ZDHHC2: variants seen among roughly 807,000 people sequenced by gnomAD.
ZDHHC2 encodes the protein zDHHC palmitoyltransferase 2, also known as palmitoyltransferase ZDHHC2.
In ZDHHC2, 51 loss-of-function variants were observed where a neutral mutation model predicts 55.6. The observed-to-expected ratio is 0.92, with a 90% confidence interval of 0.73 to 1.16. The LOEUF (loss-of-function observed/expected upper bound fraction) is 1.16, where lower values mean the gene tolerates loss of function less well. Ranked by LOEUF, ZDHHC2 falls within the 50% of genes most tolerant of loss-of-function variation. The pLI, the probability that ZDHHC2 is intolerant of heterozygous loss-of-function variation, is 0.00. For synonymous variants in ZDHHC2, 199 were observed against 152.9 expected, an observed-to-expected ratio of 1.30 and a Z score of -2.22; for missense variants, 491 against 442.4, an observed-to-expected ratio of 1.11 and a Z score of -0.99.
At chr8:17,165,149 A>T (rs1804541075) in intron 1 of ZDHHC2, among the ~76,000 whole-genome samples, 1 of 152,246 alleles carries the variant, frequency 6.6e-6, no homozygotes, top group Admixed American at 6.5e-5. Flanking sequence ...CCTGAGGCCA[A>T]CTGCGAGCAT....
intron 10 of ZDHHC2, among the ~76,000 whole-genome samples, chr8:17,214,699 A>G (rs1187575007): frequency 6.6e-6 from 1 of 152,126 alleles, no homozygotes; most frequent in Admixed American, 6.6e-5. Context: ...ACTTGAGACC[A>G]GGCATTTGTG....
intron 5 of ZDHHC2, 128 bp downstream of exon 5, chr8:17,197,779 T>A: frequency 9.5e-7 from 1 of 1,055,494 alleles, no homozygotes; most frequent in South Asian, 1.6e-5. Context: ...ATTTAGGAAA[T>A]GGAGTTGGTA....
At chr8:17,190,089 A>T (rs930398698) in intron 3 of ZDHHC2, among the ~76,000 whole-genome samples, 2 of 152,102 alleles carry the variant, frequency 1.3e-5, no homozygotes, top group African/African-American at 4.8e-5. Context: ...TTTTTTACGT[A>T]TTATTCATTT....
intron 3 of ZDHHC2, among the ~76,000 whole-genome samples, chr8:17,189,794 A>G (rs1805924402): frequency 6.6e-6 from 1 of 152,230 alleles, no homozygotes; most frequent in Non-Finnish European, 1.5e-5. Context: ...TAACGGTATC[A>G]GGCTTCATTG....
chr8:17,183,690 G>T (rs1468918731), intron 1 of ZDHHC2, among the ~76,000 whole-genome samples: 1 of 152,098 alleles, frequency 6.6e-6, no homozygotes, highest in Non-Finnish European at 1.5e-5. Context: ...TAGATCTTCT[G>T]TTTGTTGCTA....
At chr8:17,207,733 A>G (rs192317452) in intron 7 of ZDHHC2, among the ~76,000 whole-genome samples, 97 of 152,248 alleles carry the variant, frequency 6.4e-4, no homozygotes, top group African/African-American at 2.2e-3. Context: ...CACAGTTTAT[A>G]TTCCAAATTT....
At chr8:17,185,576 A>G (rs1362036485) in intron 2 of ZDHHC2, among the ~76,000 whole-genome samples, 3 of 152,212 alleles carry the variant, frequency 2.0e-5, no homozygotes, top group East Asian at 1.9e-4. Flanking sequence ...AGGCTGAGGT[A>G]GGAGGATTGC....
chr8:17,206,178 A>C (rs1182105970), intron 7 of ZDHHC2, among the ~76,000 whole-genome samples: 1 of 152,200 alleles, frequency 6.6e-6, no homozygotes, highest in African/African-American at 2.4e-5. Context: ...AAAAAATCTT[A>C]AAGTGTAGTG....
At chr8:17,157,065 A>G (rs984046876) in intron 1 of ZDHHC2, among the ~76,000 whole-genome samples, 1 of 151,862 alleles carries the variant, frequency 6.6e-6, no homozygotes, top group Non-Finnish European at 1.5e-5. Flanking sequence ...TCTCGGGTTA[A>G]GGTGGCGCCT....
chr8:17,172,468 A>T (rs1804906824), intron 1 of ZDHHC2, among the ~76,000 whole-genome samples: 1 of 152,134 alleles, frequency 6.6e-6, no homozygotes, highest in Non-Finnish European at 1.5e-5. Context: ...AGTGGGTACA[A>T]AGTTTCAGGT....
intron 1 of ZDHHC2, among the ~76,000 whole-genome samples, chr8:17,178,858 GTTA>G (rs1052627487): frequency 3.9e-5 from 6 of 152,238 alleles, no homozygotes; most frequent in African/African-American, 1.2e-4. Flanking sequence ...AACAATTAAT[GTTA>G]TAACAAAAAA....
intron 3 of ZDHHC2, among the ~76,000 whole-genome samples, chr8:17,192,726 ACGT>A (rs1421750335): frequency 6.6e-6 from 1 of 152,144 alleles, no homozygotes; most frequent in Non-Finnish European, 1.5e-5. Flanking sequence ...AGTTTCCCCA[ACGT>A]TTTCTTTTAC....
intron 6 of ZDHHC2, 136 bp from the exon 7 acceptor site, chr8:17,205,518 TA>T: frequency 9.9e-7 from 1 of 1,008,284 alleles, no homozygotes; most frequent in Non-Finnish European, 1.4e-6. Flanking sequence ...ATTGTATGCA[TA>T]AAGAAATCTT....
chr8:17,175,332 A>C (rs1805076748), intron 1 of ZDHHC2, among the ~76,000 whole-genome samples: 1 of 152,108 alleles, frequency 6.6e-6, no homozygotes, highest in Non-Finnish European at 1.5e-5. Context: ...TCATTCTACT[A>C]ATTCACCCAC....
At chr8:17,199,606 T>TTCCTTTC (rs1554466215) in intron 6 of ZDHHC2, among the ~76,000 whole-genome samples, 1 of 50,836 alleles carries the variant, frequency 2.0e-5, no homozygotes, top group Non-Finnish European at 5.3e-5. Flanking sequence ...TTCTTTATTC[T>TTCCTTTC]TTCTTCTTCT....
intron 1 of ZDHHC2, among the ~76,000 whole-genome samples, chr8:17,165,311 A>C (rs760950568): frequency 2.8e-4 from 43 of 152,236 alleles, no homozygotes; most frequent in Admixed American, 9.2e-4. Context: ...GTACTTAACT[A>C]TGACTAGTGA....
At chr8:17,164,274 A>G (rs866649815) in intron 1 of ZDHHC2, among the ~76,000 whole-genome samples, 4 of 152,236 alleles carry the variant, frequency 2.6e-5, no homozygotes, top group Middle Eastern at 3.4e-3. Flanking sequence ...TTTGAGAGAT[A>G]CTCACAAGCA....
intron 6 of ZDHHC2, among the ~76,000 whole-genome samples, chr8:17,202,845 G>A (rs1423177967): frequency 2.0e-5 from 3 of 151,396 alleles, no homozygotes; most frequent in African/African-American, 4.9e-5. Flanking sequence ...GACCTCCTTT[G>A]TCCCTAGCTC....
intron 1 of ZDHHC2, among the ~76,000 whole-genome samples, chr8:17,179,417 T>C (rs1425268500): frequency 6.6e-6 from 1 of 152,184 alleles, no homozygotes; most frequent in Non-Finnish European, 1.5e-5. Context: ...TCTTCTTCTT[T>C]TTGTTTTAAG....
Sources: gnomAD v4.1 joint callset for allele counts (sites outside exome capture counted in the v4.1 genomes callset) on GRCh38, gnomAD v4.1.1 for gene constraint, MANE v1.5 for transcripts, NCBI Gene and HGNC (gene_info 2026-07-23, HGNC 2026-07-21) for gene names.